TEX13C: variants seen among roughly 807,000 people sequenced by gnomAD.
The protein encoded by TEX13C is TEX13 family member C, also known as testis-expressed protein 13C.
For synonymous variants in TEX13C, 219 were observed against 116.6 expected (o/e 1.88, Z -5.65); for missense variants, 480 against 298.7 (o/e 1.61, Z -4.47).
exon 1 of TEX13C, chrX:125,322,148 G>A (rs1212494500): frequency 3.9e-4 from 189 of 483,587 alleles, no homozygotes; most frequent in Admixed American, 7.6e-4. Flanking sequence ...AGATCCAGTG[G>A]TGCCCCAGGG....
At chrX:125,320,322 C>A in exon 1 of TEX13C, 1 of 516,005 alleles carries the variant, frequency 1.9e-6, no homozygotes. Flanking sequence ...AGGGCCTGTA[C>A]CTGGAGCGCT....
At chrX:125,319,994 A>T, upstream of TEX13C, 1 of 443,879 alleles carries the variant, frequency 2.3e-6, no homozygotes, top group Non-Finnish European at 3.9e-6. Context: ...CTGAGCAAGG[A>T]CTAAAGTAAG....
At chrX:125,320,083 C>A (rs1197002810), upstream of TEX13C, 1 of 457,338 alleles carries the variant, frequency 2.2e-6, no homozygotes, top group Non-Finnish European at 3.9e-6. Flanking sequence ...CGAGGCGACG[C>A]ACCGTGAGGC....
upstream of TEX13C, chrX:125,320,079 G>A (rs761182022): frequency 1.4e-3 from 649 of 455,535 alleles, no homozygotes; most frequent in Non-Finnish European, 1.6e-3. Flanking sequence ...CAGCCGAGGC[G>A]ACGCACCGTG....
At chrX:125,324,303 G>A (rs528314859) in exon 1 of TEX13C, 1 of 111,843 alleles carries the variant, frequency 8.9e-6, no homozygotes, top group African/African-American at 3.3e-5. Flanking sequence ...TGCATATAGC[G>A]TGACCTTGGA....
At chrX:125,322,550 A>G (rs3135237) in exon 1 of TEX13C, 60,117 of 510,154 alleles carry the variant, frequency 0.12, 2,373 homozygotes, top group East Asian at 0.17. Flanking sequence ...CCTGGGGTTC[A>G]GCAGAATCCA....
At chrX:125,321,468 A>G (rs894304411) in exon 1 of TEX13C, 1 of 509,597 alleles carries the variant, frequency 2.0e-6, no homozygotes, top group Non-Finnish European at 3.5e-6. Flanking sequence ...ATGATGTGCC[A>G]GGAGATGGTC....
At chrX:125,323,152 C>T (rs761589038) in exon 1 of TEX13C, 16 of 436,803 alleles carry the variant, frequency 3.7e-5, no homozygotes, top group Non-Finnish European at 5.6e-5. Flanking sequence ...CAAAGAGAAA[C>T]CAATTTCCCA....
chrX:125,320,495 C>T (rs2018825761), exon 1 of TEX13C: 3 of 515,961 alleles, frequency 5.8e-6, no homozygotes, highest in Non-Finnish European at 1.0e-5. Flanking sequence ...AACACAGCTG[C>T]ACCTCACGCA....
At chrX:125,322,712 C>G (rs2018860308) in exon 1 of TEX13C, 1 of 514,694 alleles carries the variant, frequency 1.9e-6, no homozygotes, top group African/African-American at 2.3e-5. Flanking sequence ...TCCAGTGGTG[C>G]ACCAGGAGGT....
chrX:125,321,548 A>T, exon 1 of TEX13C: 1 of 466,855 alleles, frequency 2.1e-6, no homozygotes. Flanking sequence ...AGCTCCCCTG[A>T]TGTATAGCAG....
In TEX13C at chrX:125,320,227, GGCCTTCC is replaced by G. The variant is rs1432547442; in HGVS notation, c.111_117del (p.Phe38ArgfsTer7). On this transcript the variant is annotated frameshift_variant, in exon 1 of 1. Coordinates refer to ENST00000632600, the Ensembl canonical transcript of TEX13C. LOFTEE classifies it low-confidence loss of function (END_TRUNC). ...ACGGCGGCAGCCCAGCCTTTTACAC[GGCCTTCC>G]GCTCGCGGCCGTGGAACGAGGTAGA... 1 of 515,075 alleles carries G rather than the reference GGCCTTCC, an allele frequency of 1.9e-6. No individual in the cohort carries two copies. Among genetic ancestry groups the G allele is most frequent in the African/African-American group, 2.3e-5 (1 of 43,922 alleles). 42.4% of individuals were successfully genotyped at this position (515,075 alleles called of 1,213,427 possible). A position where few individuals can be genotyped will look rare whatever the true frequency, so the allele number is the denominator to read the frequency against.
At chrX:125,323,314 GTATT>G in exon 1 of TEX13C, 1 of 313,502 alleles carries the variant, frequency 3.2e-6, no homozygotes. Context: ...AAATACGTAT[GTATT>G]TATTTTCTTA....
At chrX:125,321,405 A>G (rs1314417113) in exon 1 of TEX13C, 2 of 513,002 alleles carry the variant, frequency 3.9e-6, no homozygotes, top group Non-Finnish European at 7.0e-6. Context: ...GTGATGCCCC[A>G]GAAGATGGTC....
At chrX:125,323,527 T>C (rs2018867852) in exon 1 of TEX13C, 1 of 112,969 alleles carries the variant, frequency 8.9e-6, no homozygotes, top group African/African-American at 3.3e-5. Context: ...TGTTTTTTTT[T>C]TTTCTCTTAA....
exon 1 of TEX13C, chrX:125,321,741 A>G (rs1242889079): frequency 2.0e-6 from 1 of 509,485 alleles, no homozygotes; most frequent in East Asian, 3.6e-5. Context: ...CCCCTGGGGG[A>G]CAGCAGAAGC....
At chrX:125,320,980 G>A (rs766312919) in exon 1 of TEX13C, 8 of 513,944 alleles carry the variant, frequency 1.6e-5, no homozygotes, top group Admixed American at 5.3e-5. Flanking sequence ...CGGCCCCTCC[G>A]TGGGACCAGA....
At chrX:125,323,581 A>G (rs1166071716) in exon 1 of TEX13C, 4 of 111,653 alleles carry the variant, frequency 3.6e-5, no homozygotes, top group Non-Finnish European at 7.4e-5. Context: ...GGGAGCAGCC[A>G]TGTGATTTTA....
At chrX:125,321,974 G>A (rs766335393) in exon 1 of TEX13C, 108 of 492,004 alleles carry the variant, frequency 2.2e-4, no homozygotes, top group Admixed American at 4.8e-4. Flanking sequence ...GGTGCCCCAG[G>A]ACACAGCTCC....
Sources: allele counts gnomAD v4.1 joint callset, GRCh38; gene constraint gnomAD v4.1.1; transcripts MANE v1.5; gene names NCBI Gene and HGNC (gene_info 2026-07-23, HGNC 2026-07-21).